The following MOXD1 variants were observed in gnomAD, a reference collection of about 807,000 sequenced individuals.
The protein encoded by MOXD1 is DBH-like monooxygenase protein 1.
Under a neutral mutation model 66.6 loss-of-function variants are expected in MOXD1, and 62 were observed. That is an observed-to-expected ratio of 0.93 (90% CI 0.76 to 1.15). The LOEUF (loss-of-function observed/expected upper bound fraction) is 1.15, where lower values mean the gene tolerates loss of function less well. Ranked by LOEUF, MOXD1 falls within the 50% of genes most tolerant of loss-of-function variation. The probability of loss-of-function intolerance (pLI) is 0.00; values close to 1 mark genes in which losing one functional copy is unlikely to be tolerated. For missense variants in MOXD1, 847 were observed against 754.6 expected, an observed-to-expected ratio of 1.12 and a Z score of -1.44; for synonymous variants, 303 against 281.9, an observed-to-expected ratio of 1.07 and a Z score of -0.75.
chr6:132,372,248 T>A (rs1043867177), intron 4 of MOXD1, among the ~76,000 whole-genome samples: 7 of 152,316 alleles, frequency 4.6e-5, no homozygotes, highest in African/African-American at 1.7e-4. Context: ...ACACTATTGG[T>A]GAGGAATGTA....
chr6:132,326,536 T>A (rs1232767305), intron 6 of MOXD1, among the ~76,000 whole-genome samples: 4 of 152,092 alleles, frequency 2.6e-5, no homozygotes, highest in African/African-American at 7.2e-5. Flanking sequence ...ATGTAAAAAA[T>A]TTTTAAAAGT....
chr6:132,384,358 C>T (rs1582607712), intron 1 of MOXD1, among the ~76,000 whole-genome samples: 1 of 151,378 alleles, frequency 6.6e-6, no homozygotes, highest in East Asian at 2.0e-4. Context: ...CCTTTCTTTC[C>T]CCAGCATATA....
intron 6 of MOXD1, chr6:132,325,220 G>A (rs1219734571): frequency 6.6e-6 from 1 of 152,180 alleles, no homozygotes; most frequent in Non-Finnish European, 1.5e-5. Context: ...TCACAAGGAA[G>A]CACTGTGATG....
rs58556958 is a variant in MOXD1, at chr6:132,396,558, C to CAAA, written c.264+4602_264+4604dup. On this transcript the variant is annotated intron_variant, in intron 1 of 11. Transcript: ENST00000367963. Reference sequence around the variant, plus strand: ...AGAGCAACACTAAACAAAACAGAGACAAAAAAAATACAAAGGATCAATAAA... The same window carrying CAAA: ...AGAGCAACACTAAACAAAACAGAGACAAAAAAAAAAATACAAAGGATCAATAAA... Among the ~76,000 whole-genome samples, 178 of 150,766 alleles carry CAAA rather than the reference C, an allele frequency of 1.2e-3. 1 individual carries two copies. Among genetic ancestry groups the CAAA allele is most frequent in the African/African-American group, 3.9e-3 (160 of 41,290 alleles).
At chr6:132,332,351 C>T (rs1775338824) in intron 4 of MOXD1, among the ~76,000 whole-genome samples, 1 of 151,650 alleles carries the variant, frequency 6.6e-6, no homozygotes, top group South Asian at 2.1e-4. Flanking sequence ...GAAGCAAGCC[C>T]TTGGCAAAAT....
chr6:132,388,951 T>C (rs1776702179), intron 1 of MOXD1, among the ~76,000 whole-genome samples: 3 of 151,290 alleles, frequency 2.0e-5, no homozygotes, highest in African/African-American at 4.8e-5. Context: ...GAGAGGGCTA[T>C]GAGGATGAAA....
intron 6 of MOXD1, among the ~76,000 whole-genome samples, chr6:132,326,976 C>T (rs1308250167): frequency 6.6e-6 from 1 of 152,172 alleles, no homozygotes; most frequent in Non-Finnish European, 1.5e-5. Context: ...GTATCAAACT[C>T]TTCAATTGCT....
intron 10 of MOXD1, among the ~76,000 whole-genome samples, chr6:132,314,461 T>G (rs1478720291): frequency 6.6e-6 from 1 of 152,244 alleles, no homozygotes; most frequent in Non-Finnish European, 1.5e-5. Flanking sequence ...CCTTTGCACT[T>G]AAAGCCCCAA....
chr6:132,320,598 T>G, intron 9 of MOXD1, 31 bp downstream of exon 9: 1 of 1,534,648 alleles, frequency 6.5e-7, no homozygotes, highest in African/African-American at 1.4e-5. Flanking sequence ...TCTCCATAAA[T>G]GAACTTTAAT....
intron 10 of MOXD1, among the ~76,000 whole-genome samples, chr6:132,301,045 C>A (rs953179702): frequency 1.3e-5 from 2 of 151,968 alleles, no homozygotes; most frequent in Non-Finnish European, 2.9e-5. Flanking sequence ...AGCTTTAAAC[C>A]AGGTAACCTT....
intron 8 of MOXD1, among the ~76,000 whole-genome samples, chr6:132,322,047 C>T (rs1303830075): frequency 6.6e-6 from 1 of 152,242 alleles, no homozygotes; most frequent in Admixed American, 6.5e-5. Flanking sequence ...AGGGATCTGA[C>T]TTTTAAAAGT....
chr6:132,340,173 G>A (rs757921644), intron 4 of MOXD1, among the ~76,000 whole-genome samples: 5 of 152,054 alleles, frequency 3.3e-5, no homozygotes, highest in Non-Finnish European at 7.4e-5. Flanking sequence ...GCGAGCCACC[G>A]CGCCTGGCCA....
intron 4 of MOXD1, among the ~76,000 whole-genome samples, chr6:132,362,974 G>A (rs915989508): frequency 4.6e-5 from 7 of 152,126 alleles, no homozygotes; most frequent in African/African-American, 1.7e-4. Context: ...ATGAGCATTT[G>A]TAATCCCCAA....
At chr6:132,362,221 A>G (rs1776030471) in intron 4 of MOXD1, among the ~76,000 whole-genome samples, 1 of 152,126 alleles carries the variant, frequency 6.6e-6, no homozygotes, top group Non-Finnish European at 1.5e-5. Flanking sequence ...ATTTTAAGAA[A>G]ATCTTTTATT....
At chr6:132,306,029 G>A (rs1774680918) in intron 10 of MOXD1, among the ~76,000 whole-genome samples, 1 of 152,122 alleles carries the variant, frequency 6.6e-6, no homozygotes, top group Non-Finnish European at 1.5e-5. Flanking sequence ...TGAATTGACA[G>A]AAGCAGGCTT....
intron 4 of MOXD1, among the ~76,000 whole-genome samples, chr6:132,332,965 C>T (rs1426562068): frequency 5.3e-5 from 8 of 152,196 alleles, no homozygotes; most frequent in East Asian, 1.9e-4. Flanking sequence ...TAACTGTCCA[C>T]GGAAAAGACA....
At chr6:132,385,899 C>T (rs1278756189) in intron 1 of MOXD1, among the ~76,000 whole-genome samples, 5 of 151,238 alleles carry the variant, frequency 3.3e-5, no homozygotes, top group Non-Finnish European at 5.9e-5. Flanking sequence ...GTCAGGAGAT[C>T]GAGACCATCC....
At chr6:132,352,253 T>A (rs1702059250) in intron 4 of MOXD1, among the ~76,000 whole-genome samples, 1 of 152,184 alleles carries the variant, frequency 6.6e-6, no homozygotes, top group Non-Finnish European at 1.5e-5. Context: ...TTCAGTCCTT[T>A]TGATGTAGGC....
At chr6:132,383,433 G>T (rs73547910) in intron 1 of MOXD1, among the ~76,000 whole-genome samples, 2,332 of 152,146 alleles carry the variant, frequency 0.015, 69 homozygotes, top group African/African-American at 0.053. Context: ...GTCTAATAAG[G>T]GATCTGTTAA....
Sources: gnomAD v4.1 joint callset for allele counts (sites outside exome capture counted in the v4.1 genomes callset) on GRCh38, gnomAD v4.1.1 for gene constraint, MANE v1.5 for transcripts, NCBI Gene and HGNC (gene_info 2026-07-23, HGNC 2026-07-21) for gene names.